WDR43: variants seen among roughly 807,000 people sequenced by gnomAD.
The protein encoded by WDR43 is WD repeat-containing protein 43.
A neutral mutation model predicts 91.4 loss-of-function variants in WDR43; 13 were observed. The observed-to-expected ratio is 0.14, with a 90% CI of 0.09 to 0.23. The LOEUF (loss-of-function observed/expected upper bound fraction) is 0.23. Among genes scored for constraint, WDR43 ranks in the 10% least tolerant of loss-of-function variants. WDR43 has a pLI of 1.00. For missense variants in WDR43, 780 were observed against 809.4 expected, an observed-to-expected ratio of 0.96 and a Z score of 0.44; for synonymous variants, 331 against 287.9, an observed-to-expected ratio of 1.15 and a Z score of -1.51.
intron 3 of WDR43, among the ~76,000 whole-genome samples, chr2:28,908,492 T>C (rs754221536): frequency 4.9e-4 from 75 of 152,316 alleles, no homozygotes; most frequent in Non-Finnish European, 8.7e-4. Context: ...CCTGTGTTAC[T>C]GTATTCTGGA....
At chr2:28,906,224 T>C (rs1670675679) in intron 2 of WDR43, among the ~76,000 whole-genome samples, 1 of 152,180 alleles carries the variant, frequency 6.6e-6, no homozygotes, top group Non-Finnish European at 1.5e-5. Context: ...CATGGTCGCC[T>C]CTATTTGCCT....
intron 6 of WDR43, among the ~76,000 whole-genome samples, chr2:28,921,364 G>A (rs948946381): frequency 2.6e-5 from 4 of 152,046 alleles, no homozygotes; most frequent in African/African-American, 9.7e-5. Context: ...TTGACCTTGT[G>A]ATCGGCCTGC....
At chr2:28,905,664 TC>T (rs200054682) in intron 2 of WDR43, among the ~76,000 whole-genome samples, 35,749 of 145,850 alleles carry the variant, frequency 0.25, 5,590 homozygotes, top group East Asian at 0.76. Context: ...TCTCTTCTTC[TC>T]TTTTTTTTTT....
chr2:28,906,575 T>G lies in WDR43; in HGVS notation c.479T>G (p.Val160Gly). 6.2e-7 allele frequency: 1 copy of G among 1,611,198 alleles called. No individual in the cohort carries two copies. Among genetic ancestry groups the G allele is most frequent in the Non-Finnish European group, 8.5e-7 (1 of 1,179,066 alleles). ...GAATGGAACGTACAGACATGCAAAG[T>G]AAAGTGGTGAGTAACATTCATGGTA... The part of the protein sequence containing the change: ...IVEWNVQTCK[V>G]KCKWKGDNSS... Residue 160 changes from valine to glycine, a missense_variant, in exon 3 of 18, where the codon GTA becomes GGA. By Grantham distance (109) the Val-to-Gly change is moderately radical. Around this residue, in one of 4 missense-constraint regions of WDR43, gnomAD observed 174 missense variants for 207.3 expected, o/e 0.84. Coordinates refer to ENST00000407426, the MANE Select transcript of WDR43 (RefSeq NM_015131.3).
At chr2:28,921,632 A>T (rs1212221217) in intron 6 of WDR43, among the ~76,000 whole-genome samples, 2 of 152,182 alleles carry the variant, frequency 1.3e-5, no homozygotes, top group East Asian at 3.8e-4. Flanking sequence ...TAGAGATTAG[A>T]TTTGGATGCC....
At chr2:28,946,532 CT>C (rs759429700) in intron 17 of WDR43, 33 bp downstream of exon 17, 3 of 1,601,462 alleles carry the variant, frequency 1.9e-6, no homozygotes. Flanking sequence ...ATACATCGGC[CT>C]TTATATCCTC....
At chr2:28,915,359 A>G (rs1279558593) in intron 5 of WDR43, among the ~76,000 whole-genome samples, 2 of 152,246 alleles carry the variant, frequency 1.3e-5, no homozygotes, top group Non-Finnish European at 2.9e-5. Flanking sequence ...TTACATAAGA[A>G]ATCAGTAGTG....
intron 1 of WDR43, 115 bp from the exon 2 acceptor site, chr2:28,901,872 C>G (rs766291522): frequency 6.0e-5 from 63 of 1,048,920 alleles, no homozygotes; most frequent in Non-Finnish European, 8.0e-5. Context: ...AATAGCTTCT[C>G]TCTTCCCCCC....
At chr2:28,895,032 GC>G in intron 1 of WDR43, 109 bp downstream of exon 1, 2 of 1,173,746 alleles carry the variant, frequency 1.7e-6, no homozygotes, top group Non-Finnish European at 2.2e-6. Context: ...AGCGGCCCGG[GC>G]CAGAAGGCTT....
At chr2:28,945,255 T>G (rs557966483) in intron 16 of WDR43, among the ~76,000 whole-genome samples, 4 of 152,346 alleles carry the variant, frequency 2.6e-5, no homozygotes, top group African/African-American at 9.6e-5. Flanking sequence ...GGAATCCCAT[T>G]CTGTATTATT....
At chr2:28,906,618 C>T (rs748745721) in intron 3 of WDR43, 37 bp downstream of exon 3, 67 of 1,595,904 alleles carry the variant, frequency 4.2e-5, no homozygotes, top group East Asian at 4.5e-5. Context: ...ATGCAATAGA[C>T]GTGGATAAAT....
At chr2:28,943,532 T>C (rs1298964468) in intron 16 of WDR43, among the ~76,000 whole-genome samples, 1 of 152,170 alleles carries the variant, frequency 6.6e-6, no homozygotes, top group East Asian at 1.9e-4. Flanking sequence ...ACATTTTAGA[T>C]CATCCTCAAA....
At chr2:28,913,061 C>T (rs1330366649) in intron 4 of WDR43, among the ~76,000 whole-genome samples, 1 of 149,724 alleles carries the variant, frequency 6.7e-6, no homozygotes, top group Non-Finnish European at 1.5e-5. Flanking sequence ...CACCGCCATT[C>T]TCCTGCCTCA....
rs1671161591 is a variant in WDR43 at position 28,927,437 on chromosome 2, A to C, written c.1174-132A>C. On this transcript the variant is annotated intron_variant, in intron 9 of 17. Transcript: ENST00000407426. ...CAACATTCAATTTAAAATATATCTT[A>C]AATTGATATCAAGTTAATTATATTG... 4 of 1,081,394 alleles carry C rather than the reference A, an allele frequency of 3.7e-6. No homozygotes were observed. In the South Asian group the frequency reaches 7.0e-5, roughly 19 times the overall value. 67.0% of individuals were successfully genotyped at this position (1,081,394 alleles called of 1,614,324 possible).
chr2:28,905,134 G>A (rs1670654112), intron 2 of WDR43: 1 of 152,178 alleles, frequency 6.6e-6, no homozygotes, highest in Non-Finnish European at 1.5e-5. Context: ...CAAATGAGGG[G>A]AGACAGGAAT....
At chr2:28,941,420 C>CTAATACGT (rs778533897) in intron 14 of WDR43, 41 bp from the exon 15 acceptor site, 28 of 1,491,790 alleles carry the variant, frequency 1.9e-5, no homozygotes, top group Non-Finnish European at 2.5e-5. Context: ...TTCGTCATCT[C>CTAATACGT]TAATACGTTA....
At chr2:28,907,487 A>G (rs1288157506) in intron 3 of WDR43, among the ~76,000 whole-genome samples, 1 of 146,390 alleles carries the variant, frequency 6.8e-6, no homozygotes, top group Admixed American at 6.9e-5. Flanking sequence ...GGTGGCATGC[A>G]TGGCCTGTGG....
At position 28,896,782 on chromosome 2, in the gene WDR43, A is replaced by G. The variant is rs576676304; in HGVS notation, c.225+1859A>G. ...TAGAAAAATAACTGGATTTGGTTTC[A>G]TAGCCCAGACTCAAAACTTACTTTG... On this transcript the variant is annotated intron_variant, in intron 1 of 17. Transcript: ENST00000407426. 1.7e-3 allele frequency among the ~76,000 whole-genome samples: 260 copies of G among 152,324 alleles called. 1 individual carries two copies. The highest frequency in any genetic ancestry group is 2.4e-3 in the Non-Finnish European group (164 of 68,022).
At chr2:28,910,317 CGTA>C (rs1445820882) in intron 3 of WDR43, among the ~76,000 whole-genome samples, 4 of 152,144 alleles carry the variant, frequency 2.6e-5, no homozygotes, top group Admixed American at 6.5e-5. Flanking sequence ...TATGTATCAA[CGTA>C]GTAAGTATAT....
Sources: gnomAD v4.1 joint callset for allele counts (sites outside exome capture counted in the v4.1 genomes callset) on GRCh38, gnomAD v4.1.1 for gene constraint, gnomAD v4.1.1 regional missense constraint, MANE v1.5 for transcripts, NCBI Gene and HGNC (gene_info 2026-07-23, HGNC 2026-07-21) for gene names.